CLEC4F: variants seen among roughly 807,000 people sequenced by gnomAD.
CLEC4F encodes the protein C-type (calcium dependent, carbohydrate-recognition domain) lectin, superfamily member 13.
CLEC4F carries 45 observed loss-of-function variants against 53.4 expected under a neutral mutation model. That is an observed-to-expected ratio of 0.84 (90% CI 0.66 to 1.08). The LOEUF (loss-of-function observed/expected upper bound fraction) is 1.08, where lower values mean the gene tolerates loss of function less well. Among genes scored for constraint, CLEC4F ranks in the 50% least tolerant of loss-of-function variants. The probability of loss-of-function intolerance (pLI) is 0.00; values close to 1 mark genes in which losing one functional copy is unlikely to be tolerated. For synonymous variants in CLEC4F, 245 were observed against 257.5 expected (o/e 0.95, Z 0.46); for missense variants, 753 against 698.2 (o/e 1.08, Z -0.88).
Position 70,819,377 on chromosome 2 carries a change from C to G in CLEC4F, c.246G>C (p.Gly82=), listed in dbSNP as rs781889097. 15 of 1,614,060 alleles carry G rather than the reference C, an allele frequency of 9.3e-6. No homozygotes were observed. In the South Asian group the frequency reaches 1.1e-4, roughly 12 times the overall value. The change falls in exon 3 of 7, where the codon GGG becomes GGC. Residue 82 remains glycine, a synonymous_variant. Coordinates refer to ENST00000272367, the MANE Select transcript of CLEC4F (RefSeq NM_173535.3). The stretch of plus-strand genomic sequence containing the variant: ...CACTGTTGGGTTCAAAAGGTAAATG[C>G]CCAGTAATGTTGTCTCCCAGAATTA... ...QAVILGDNIT[G]HLPFEPNNHH...
Position 70,819,403 on chromosome 2 carries a change from C to T in CLEC4F, c.220G>A (p.Val74Ile), listed in dbSNP as rs140483573. ...TRPVPKPVQA[V>I]ILGDNITGHL... ...CCAGTAATGTTGTCTCCCAGAATTA[C>T]GGCTTGCACAGGCTTCGGAACAGGT... is the stretch of plus-strand genomic sequence containing the variant. Residue 74 changes from valine to isoleucine, a missense_variant, in exon 3 of 7, where the codon GTA (valine) becomes ATA (isoleucine). Transcript: ENST00000272367. The T allele has an allele frequency of 1.6e-3, 2,546 of 1,614,102 alleles. 5 individuals are homozygous for T. The highest frequency in any genetic ancestry group is 1.9e-3 in the Non-Finnish European group (2,295 of 1,180,002).
At chr2:70,811,434 C>T in intron 5 of CLEC4F, 1 of 594,664 alleles carries the variant, frequency 1.7e-6, no homozygotes, top group Admixed American at 1.9e-5. Flanking sequence ...GGTGCCCTGC[C>T]TGTTCTGCCT....
intron 4 of CLEC4F, among the ~76,000 whole-genome samples, chr2:70,812,934 C>T (rs1452804721): frequency 6.6e-6 from 1 of 152,204 alleles, no homozygotes; most frequent in Non-Finnish European, 1.5e-5. Context: ...GCCATCTTCC[C>T]TGGGGATTTT....
Position 70,809,620 on chromosome 2 carries a change from C to T in CLEC4F, c.1658+119G>A, listed in dbSNP as rs946573431. On this transcript the variant is annotated intron_variant, in intron 6 of 6. Transcript: ENST00000272367. ...CCACACATACACCACATACACACCA[C>T]ACACGTCACACACACATATACACAC... 4.9e-6 allele frequency: 4 copies of T among 810,888 alleles called. 1 individual carries two copies. Among genetic ancestry groups the T allele is most frequent in the Admixed American group, 2.0e-5 (1 of 50,136 alleles). 50.2% of individuals were successfully genotyped at this position (810,888 alleles called of 1,614,324 possible). A position where few individuals can be genotyped will look rare whatever the true frequency, so the allele number is the denominator to read the frequency against.
At chr2:70,817,211 G>T in intron 3 of CLEC4F, 99 bp from the exon 4 acceptor site, 12 of 1,299,468 alleles carry the variant, frequency 9.2e-6, no homozygotes, top group Non-Finnish European at 1.3e-5. Flanking sequence ...CAAGGGAAAT[G>T]GGTACTGCAC....
At chr2:70,814,813 G>A (rs77988811) in intron 4 of CLEC4F, among the ~76,000 whole-genome samples, 2,009 of 139,294 alleles carry the variant, frequency 0.014, 42 homozygotes, top group African/African-American at 0.052. Context: ...ATTTAAAAAA[G>A]AATACTGATG....
At chr2:70,811,218 G>T in intron 5 of CLEC4F, 2 of 789,082 alleles carry the variant, frequency 2.5e-6, no homozygotes, top group South Asian at 2.6e-5. Context: ...GCTGAAGTTT[G>T]ACAGCAAGTC....
chr2:70,809,250 G>T lies in CLEC4F; in HGVS notation c.*21C>A, dbSNP rs782254433. 10 of 1,612,572 alleles carry T rather than the reference G, an allele frequency of 6.2e-6. No homozygotes were observed. In the Admixed American group the frequency reaches 1.7e-4, roughly 27 times the overall value. On this transcript the variant is annotated 3_prime_UTR_variant, in exon 7 of 7. Coordinates refer to ENST00000272367, the MANE Select transcript of CLEC4F (RefSeq NM_173535.3). ...GGCTGGGAGAAGGAGTACCCTGAGG[G>T]TGTCTGTGCTCAGGTTGCTCTTAGT...
upstream of CLEC4F, among the ~76,000 whole-genome samples, chr2:70,824,813 T>C (rs1431993224): frequency 6.6e-6 from 1 of 152,146 alleles, no homozygotes; most frequent in Non-Finnish European, 1.5e-5. Context: ...CATAAATGAA[T>C]GTCTGAGTAA....
At chr2:70,823,557 A>G (rs1039189932), upstream of CLEC4F, among the ~76,000 whole-genome samples, 4 of 152,200 alleles carry the variant, frequency 2.6e-5, no homozygotes, top group Non-Finnish European at 5.9e-5. Flanking sequence ...GGAAGGTCAG[A>G]GTCTGGGCCA....
Position 70,809,192 on chromosome 2 carries a change from C to T in CLEC4F, c.*79G>A. On this transcript the variant is annotated 3_prime_UTR_variant, in exon 7 of 7. Coordinates refer to ENST00000272367, the MANE Select transcript of CLEC4F (RefSeq NM_173535.3). The stretch of plus-strand genomic sequence containing the variant: ...CTAGGGAGCTGACTTGAGATGGGTC[C>T]TTCATCCCCTAGTGGCCCTAGGATG... 6.4e-7 allele frequency: 1 copy of T among 1,570,044 alleles called. No individual in the cohort carries two copies. Among genetic ancestry groups the T allele is most frequent in the Admixed American group, 1.9e-5 (1 of 52,226 alleles).
chr2:70,819,698 T>A, intron 2 of CLEC4F, 77 bp downstream of exon 2: 1 of 1,002,386 alleles, frequency 1.0e-6, no homozygotes, highest in Non-Finnish European at 1.5e-6. Context: ...GCCCAGAGAG[T>A]GTGCATCTGG....
rs781811911 is a variant in CLEC4F, at chr2:70,816,831, T to G, written c.550A>C (p.Lys184Gln). 3 of 1,614,210 alleles carry G rather than the reference T, an allele frequency of 1.9e-6. No homozygotes were observed. In the South Asian group the frequency reaches 3.3e-5, roughly 18 times the overall value. The change falls in exon 4 of 7, where the codon AAG becomes CAG. Residue 184 changes from lysine (K) to glutamine (Q), a missense_variant. Physicochemically the swap from Lys to Gln is moderately conservative, Grantham distance 53 (BLOSUM62 1). Transcript: ENST00000272367. Reference protein sequence around the residue: ...EGTNAEIQRLKEDLEKADALT... With the variant: ...EGTNAEIQRLQEDLEKADALT... ...GCATCTGCCTTTTCAAGGTCTTCCT[T>G]GAGCCTCTGGATCTCAGCATTGGTT...
rs183733688 is a variant in CLEC4F, at chr2:70,816,982, C to A, written c.399G>T (p.Ser133=). The A allele has an allele frequency of 2.5e-6, 4 of 1,614,132 alleles. No homozygotes were observed. The highest frequency in any genetic ancestry group is 3.4e-6 in the Non-Finnish European group (4 of 1,180,038). The change falls in exon 4 of 7, where the codon TCG becomes TCT. Residue 133 remains serine, a synonymous_variant. Coordinates refer to ENST00000272367, the MANE Select transcript of CLEC4F (RefSeq NM_173535.3). The stretch of plus-strand genomic sequence containing the variant: ...GATGATCACCGAGCACCTGGAGCTG[C>A]GAATTGACATTGTCCACTCTGCACT... ...MLKCRVDNVN[S]QLQVLGDHLG...
intron 5 of CLEC4F, chr2:70,810,946 A>G: frequency 1.8e-6 from 1 of 544,028 alleles, no homozygotes; most frequent in Non-Finnish European, 3.6e-6. Context: ...TTCATCAAAT[A>G]TCTGCCAATG....
intron 4 of CLEC4F, among the ~76,000 whole-genome samples, chr2:70,813,127 C>A (rs36077964): frequency 0.79 from 120,783 of 152,140 alleles, 49,439 homozygotes; most frequent in Non-Finnish European, 0.9. Context: ...TCCCTCCCTG[C>A]CACAACAGCC....
chr2:70,819,719 G>T, intron 2 of CLEC4F, 56 bp downstream of exon 2: 2 of 1,310,952 alleles, frequency 1.5e-6, no homozygotes, highest in South Asian at 1.4e-5. Flanking sequence ...GGCCCCTGGG[G>T]ACTTTGTGCT....
rs1553397480 is a variant in CLEC4F, at chr2:70,819,820, T to G, written c.133A>C (p.Met45Leu). The G allele has an allele frequency of 6.2e-7, 1 of 1,608,804 alleles. No individual in the cohort carries two copies. The highest frequency in any genetic ancestry group is 1.1e-5 in the South Asian group (1 of 90,084). The change falls in exon 2 of 7, where the codon ATG becomes CTG. Residue 45 changes from methionine (M) to leucine (L), a missense_variant. Met to Leu is a conservative substitution (Grantham distance 15). Transcript: ENST00000272367. ...PRLVQATPAF[M>L]AVTLVFSLVT... ...AGAGAGAAGACCAAGGTCACAGCCA[T>G]AAATGCCGGGGTAGCCTGAACGAGC...
At chr2:70,820,629 A>G (rs562356874), upstream of CLEC4F, 2 of 1,127,792 alleles carry the variant, frequency 1.8e-6, no homozygotes, top group African/African-American at 1.6e-5. Context: ...CCACACTTAT[A>G]TGCTCCTGAC....
Sources: allele counts gnomAD v4.1 joint callset (sites outside exome capture counted in the v4.1 genomes callset), GRCh38; gene constraint gnomAD v4.1.1; transcripts MANE v1.5; gene names NCBI Gene and HGNC (gene_info 2026-07-23, HGNC 2026-07-21).